The following PIWIL2 variants were observed in gnomAD, a reference collection of about 807,000 sequenced individuals.
The protein encoded by PIWIL2 is piwi-like protein 2.
PIWIL2 carries 81 observed loss-of-function variants against 116.5 expected under a neutral mutation model. That is an observed-to-expected ratio of 0.70 (90% CI 0.58 to 0.84). The LOEUF (loss-of-function observed/expected upper bound fraction) is 0.84, where lower values mean the gene tolerates loss of function less well. PIWIL2 is among the 40% of genes least tolerant of loss of function. The probability of loss-of-function intolerance (pLI) is 0.00; values close to 1 mark genes in which losing one functional copy is unlikely to be tolerated. For synonymous variants in PIWIL2, 489 were observed against 429.5 expected (o/e 1.14, Z -1.71); for missense variants, 1,272 against 1,212.3 (o/e 1.05, Z -0.73).
intron 20 of PIWIL2, among the ~76,000 whole-genome samples, chr8:22,330,481 G>A (rs945734718): frequency 1.1e-4 from 16 of 150,302 alleles, no homozygotes; most frequent in African/African-American, 3.9e-4. Flanking sequence ...GGTGGATCAC[G>A]AGGTCAGGGG....
chr8:22,308,749 A>C (rs993888622), intron 14 of PIWIL2, among the ~76,000 whole-genome samples: 2 of 152,176 alleles, frequency 1.3e-5, no homozygotes, highest in Admixed American at 6.5e-5. Context: ...ACGGATTCCA[A>C]GTGATTCTCC....
chr8:22,339,740 C>G (rs1218747094), intron 20 of PIWIL2, among the ~76,000 whole-genome samples: 1 of 152,162 alleles, frequency 6.6e-6, no homozygotes, highest in Non-Finnish European at 1.5e-5. Context: ...TGGAAAGGCT[C>G]TAGTATCCAG....
intron 2 of PIWIL2, among the ~76,000 whole-genome samples, 166 bp downstream of exon 2, chr8:22,279,750 C>G (rs564310907): frequency 6.6e-6 from 1 of 152,306 alleles, no homozygotes; most frequent in African/African-American, 2.4e-5. Flanking sequence ...GTCGGGAGTT[C>G]AAGACCAGCC....
intron 11 of PIWIL2, 48 bp downstream of exon 11, chr8:22,304,257 A>C (rs1175466270): frequency 8.0e-7 from 1 of 1,248,074 alleles, no homozygotes; most frequent in Non-Finnish European, 1.2e-6. Context: ...GGTTGGATGT[A>C]GTCCACGTTC....
intron 10 of PIWIL2, among the ~76,000 whole-genome samples, chr8:22,302,262 A>G (rs1261842315): frequency 6.6e-6 from 1 of 151,916 alleles, no homozygotes; most frequent in East Asian, 1.9e-4. Flanking sequence ...GCTCACTGCA[A>G]TCACTGCTTC....
intron 20 of PIWIL2, among the ~76,000 whole-genome samples, chr8:22,338,187 A>T (rs908175180): frequency 6.6e-6 from 1 of 152,168 alleles, no homozygotes; most frequent in Non-Finnish European, 1.5e-5. Flanking sequence ...TATTGAGAAG[A>T]TTGGGAAGGA....
chr8:22,296,569 G>T (rs150117057), intron 10 of PIWIL2, among the ~76,000 whole-genome samples: 7 of 152,296 alleles, frequency 4.6e-5, no homozygotes, highest in African/African-American at 1.7e-4. Flanking sequence ...TATAAATCTA[G>T]TTTGGAGATA....
intron 19 of PIWIL2, 29 bp from the exon 20 acceptor site, chr8:22,318,141 C>G (rs74774452): frequency 0.01 from 14,387 of 1,391,514 alleles, 103 homozygotes; most frequent in South Asian, 0.013. Context: ...ATCTTCCTTT[C>G]TCTGTCTCTC....
At chr8:22,297,874 T>C (rs1233610169) in intron 10 of PIWIL2, among the ~76,000 whole-genome samples, 1 of 152,180 alleles carries the variant, frequency 6.6e-6, no homozygotes, top group East Asian at 1.9e-4. Flanking sequence ...TAAAGAGCAC[T>C]GTTTTCTATG....
chr8:22,285,503 C>T (rs537585790), intron 6 of PIWIL2, among the ~76,000 whole-genome samples: 14 of 152,312 alleles, frequency 9.2e-5, no homozygotes, highest in African/African-American at 3.4e-4. Flanking sequence ...CTGTTGTGAA[C>T]AGTGCTGCAG....
chr8:22,307,473 AT>A (rs56755716), intron 13 of PIWIL2, among the ~76,000 whole-genome samples: 1,703 of 111,108 alleles, frequency 0.015, 88 homozygotes, highest in African/African-American at 0.069. Flanking sequence ...TTTATTATTC[AT>A]TTTTTTTTTT....
chr8:22,288,695 C>G, intron 8 of PIWIL2, 29 bp downstream of exon 8: 1 of 1,583,828 alleles, frequency 6.3e-7, no homozygotes, highest in South Asian at 1.1e-5. Context: ...TTCTATTGTC[C>G]TGTAACTTCA....
At chr8:22,308,634 CAG>C (rs1316506339) in intron 14 of PIWIL2, among the ~76,000 whole-genome samples, 2 of 152,060 alleles carry the variant, frequency 1.3e-5, no homozygotes, top group Admixed American at 6.6e-5. Flanking sequence ...GCCTGGGAGA[CAG>C]AGGGAGAATC....
intron 20 of PIWIL2, among the ~76,000 whole-genome samples, chr8:22,341,130 G>A (rs1666836975): frequency 6.6e-6 from 1 of 152,054 alleles, no homozygotes; most frequent in African/African-American, 2.4e-5. Flanking sequence ...TGTTACAGCA[G>A]CCCTAGGAAA....
Position 22,304,158 on chromosome 8 carries a change from A to G in PIWIL2, c.1319A>G (p.Asp440Gly), listed in dbSNP as rs762254146. The G allele has an allele frequency of 1.2e-5, 20 of 1,613,600 alleles. No individual in the cohort carries two copies. Among genetic ancestry groups the G allele is most frequent in the East Asian group, 8.9e-5 (4 of 44,892 alleles). Reference sequence around the variant, plus strand: ...GTGGATTGGAATAAGACTCCAAAGGATAGCTTCACGATGTCTGATGGGAAA... The same window carrying G: ...GTGGATTGGAATAAGACTCCAAAGGGTAGCTTCACGATGTCTGATGGGAAA... ...DDVDWNKTPK[D>G]SFTMSDGKEI... is the part of the protein sequence containing the mutation. Residue 440 changes from aspartate to glycine, a missense_variant, in exon 11 of 23, where the codon GAT becomes GGT. Transcript: ENST00000356766.
At chr8:22,326,330 G>C (rs1831723708) in intron 20 of PIWIL2, among the ~76,000 whole-genome samples, 1 of 152,112 alleles carries the variant, frequency 6.6e-6, no homozygotes, top group Non-Finnish European at 1.5e-5. Context: ...AGACCAGCCT[G>C]GGCAACATGG....
At chr8:22,354,443 G>C in intron 22 of PIWIL2, 65 bp downstream of exon 22, 1 of 985,742 alleles carries the variant, frequency 1.0e-6, no homozygotes, top group East Asian at 2.4e-5. Flanking sequence ...GCTAAGATGG[G>C]CTCACTGTTC....
chr8:22,354,678 C>A (rs1472839048), intron 22 of PIWIL2, among the ~76,000 whole-genome samples: 1 of 152,164 alleles, frequency 6.6e-6, no homozygotes, highest in East Asian at 1.9e-4. Flanking sequence ...GACCCAGTGC[C>A]GTTGAGTTCA....
intron 20 of PIWIL2, among the ~76,000 whole-genome samples, chr8:22,347,498 T>G (rs1248902032): frequency 1.3e-5 from 2 of 148,356 alleles, no homozygotes; most frequent in Admixed American, 6.8e-5. Flanking sequence ...ATTACAGGCG[T>G]GAGCCACTGT....
Sources: gnomAD v4.1 joint callset for allele counts (sites outside exome capture counted in the v4.1 genomes callset) on GRCh38, gnomAD v4.1.1 for gene constraint, MANE v1.5 for transcripts, NCBI Gene and HGNC (gene_info 2026-07-23, HGNC 2026-07-21) for gene names.